ADAM23: variants seen among roughly 807,000 people sequenced by gnomAD.
ADAM23 encodes the protein disintegrin and metalloproteinase domain-containing protein 23.
Under a neutral mutation model 120.1 loss-of-function variants are expected in ADAM23, and 33 were observed. The observed-to-expected ratio is 0.27, with a 90% CI of 0.21 to 0.37. The LOEUF is 0.37. Among genes scored for constraint, ADAM23 ranks in the 10% least tolerant of loss-of-function variants. The pLI is 1.00. For synonymous variants in ADAM23, 367 were observed against 375.2 expected, an observed-to-expected ratio of 0.98 and a Z score of 0.25; for missense variants, 862 against 1,058.2, an observed-to-expected ratio of 0.81 and a Z score of 2.57.
intron 2 of ADAM23, among the ~76,000 whole-genome samples, chr2:206,451,103 A>G (rs902444280): frequency 3.9e-5 from 6 of 152,220 alleles, no homozygotes; most frequent in South Asian, 2.1e-4. Flanking sequence ...CTAAAGAGTA[A>G]TTAGGAGTTA....
In ADAM23 at chr2:206,564,711, C is replaced by G. The variant is rs149410028; in HGVS notation, c.1346-309C>G. Among the ~76,000 whole-genome samples, 259 of 152,274 alleles carry G rather than the reference C, an allele frequency of 1.7e-3. 1 individual carries two copies. Among genetic ancestry groups the G allele is most frequent in the African/African-American group, 5.8e-3 (241 of 41,540 alleles). The stretch of plus-strand genomic sequence containing the variant: ...AACTCAGGCTGTCTGATTTGTAGAC[C>G]AGGGTACTTTTCACTAAACATTAGA... On this transcript the variant is annotated intron_variant, in intron 13 of 25. Transcript: ENST00000264377.
intron 12 of ADAM23, 54 bp from the exon 13 acceptor site, chr2:206,562,149 A>G: frequency 1.4e-6 from 2 of 1,429,344 alleles, no homozygotes. Context: ...AATAATAACT[A>G]GCTTTGTGCA....
intron 3 of ADAM23, among the ~76,000 whole-genome samples, chr2:206,487,124 G>A (rs779218566): frequency 1.1e-4 from 16 of 152,184 alleles, no homozygotes; most frequent in Non-Finnish European, 2.1e-4. Flanking sequence ...GATTAGATGA[G>A]ATAACATGTG....
chr2:206,562,048 G>A (rs909782970), intron 12 of ADAM23, among the ~76,000 whole-genome samples, 155 bp from the exon 13 acceptor site: 1 of 152,188 alleles, frequency 6.6e-6, no homozygotes, highest in Non-Finnish European at 1.5e-5. Context: ...GGGCCCAGTT[G>A]TAAAGAGGAG....
Position 206,590,032 on chromosome 2 carries a change from G to C in ADAM23, c.1958+518G>C, listed in dbSNP as rs1274471202. The stretch of plus-strand genomic sequence containing the variant: ...TTCCCTTCCAAAAAGCATCTAGTTA[G>C]TACATATTAAAGCCATCTTTACTCA... On this transcript the variant is annotated intron_variant, in intron 21 of 25. Transcript: ENST00000264377. Among the ~76,000 whole-genome samples the C allele has an allele frequency of 5.9e-5, 9 of 151,850 alleles. No individual in the cohort carries two copies. In the East Asian group the frequency reaches 1.7e-3, roughly 29 times the overall value.
At chr2:206,556,682 T>C (rs548345373) in intron 9 of ADAM23, among the ~76,000 whole-genome samples, 2 of 152,352 alleles carry the variant, frequency 1.3e-5, no homozygotes, top group East Asian at 3.9e-4. Context: ...TTACTTTTCT[T>C]TATTTCTTAA....
intron 13 of ADAM23, among the ~76,000 whole-genome samples, chr2:206,563,792 C>T (rs1697819861): frequency 2.0e-5 from 3 of 150,626 alleles, no homozygotes; most frequent in Non-Finnish European, 4.4e-5. Flanking sequence ...TGCAGTGGCA[C>T]GATCTCGGCT....
chr2:206,484,041 G>T (rs1027506818), intron 3 of ADAM23, among the ~76,000 whole-genome samples: 2 of 152,152 alleles, frequency 1.3e-5, no homozygotes, highest in Non-Finnish European at 2.9e-5. Context: ...GGTTGAAGAT[G>T]CAGAAAGGAG....
At chr2:206,464,866 A>G (rs1298939657) in intron 2 of ADAM23, among the ~76,000 whole-genome samples, 3 of 152,132 alleles carry the variant, frequency 2.0e-5, no homozygotes. Context: ...AGAAGTATCT[A>G]GCCTAACAGG....
At chr2:206,445,003 C>T (rs912543998) in intron 1 of ADAM23, among the ~76,000 whole-genome samples, 9 of 150,924 alleles carry the variant, frequency 6.0e-5, no homozygotes, top group Admixed American at 5.3e-4. Flanking sequence ...ATTCTACCCC[C>T]CCCCCAACAC....
chr2:206,478,276 A>G (rs1307540720), intron 2 of ADAM23, among the ~76,000 whole-genome samples: 1 of 152,168 alleles, frequency 6.6e-6, no homozygotes, highest in Non-Finnish European at 1.5e-5. Flanking sequence ...ATTAGATGAA[A>G]CTAATTCCAT....
chr2:206,562,881 A>G (rs907489878), intron 13 of ADAM23, among the ~76,000 whole-genome samples: 4 of 152,218 alleles, frequency 2.6e-5, no homozygotes, highest in Non-Finnish European at 5.9e-5. Context: ...CACACATCCC[A>G]TCAGTAAAAA....
intron 3 of ADAM23, among the ~76,000 whole-genome samples, chr2:206,521,191 T>A (rs1696836358): frequency 6.6e-6 from 1 of 152,154 alleles, no homozygotes; most frequent in South Asian, 2.1e-4. Context: ...ATTTTAGCAA[T>A]GAGATTATAA....
At chr2:206,560,605 A>G (rs1574534369) in intron 11 of ADAM23, among the ~76,000 whole-genome samples, 1 of 152,142 alleles carries the variant, frequency 6.6e-6, no homozygotes, top group Non-Finnish European at 1.5e-5. Flanking sequence ...AGTTTCTACT[A>G]CTAAGGAAAA....
rs774617338 is a variant in ADAM23 at position 206,445,428 on chromosome 2, A to G, written c.336A>G (p.Thr112=). ...SYSNAMQKEI[T]LPSRLIYYIN... ...GCAATGCAATGCAGAAAGAAATCAC[A>G]CTGCCTTCAAGACTCATATATTACA... The change falls in exon 2 of 26, where the codon ACA becomes ACG. Residue 112 remains threonine, a synonymous_variant. Transcript: ENST00000264377. 3.1e-6 allele frequency: 5 copies of G among 1,614,170 alleles called. No individual in the cohort carries two copies. In the East Asian group the frequency reaches 6.7e-5, roughly 22 times the overall value.
intron 18 of ADAM23, among the ~76,000 whole-genome samples, chr2:206,583,639 T>C (rs1407871658): frequency 6.6e-6 from 1 of 152,158 alleles, no homozygotes; most frequent in Non-Finnish European, 1.5e-5. Context: ...TTCTTCTACT[T>C]GTTCATTTCT....
intron 4 of ADAM23, among the ~76,000 whole-genome samples, chr2:206,537,629 T>G (rs1697204963): frequency 6.6e-6 from 1 of 152,230 alleles, no homozygotes; most frequent in South Asian, 2.1e-4. Flanking sequence ...TTTTTAAATC[T>G]ATTTTCCCTT....
chr2:206,540,995 A>G (rs536037788), intron 4 of ADAM23, among the ~76,000 whole-genome samples: 7 of 148,856 alleles, frequency 4.7e-5, no homozygotes, highest in Non-Finnish European at 7.4e-5. Context: ...ATTTATTATT[A>G]TTTATTTTAA....
At position 206,509,172 on chromosome 2, in the gene ADAM23, T is replaced by C. The variant is rs186081806; in HGVS notation, c.510-21713T>C. 3.2e-3 allele frequency among the ~76,000 whole-genome samples: 492 copies of C among 152,298 alleles called. 4 individuals are homozygous for C. Among genetic ancestry groups the C allele is most frequent in the Middle Eastern group, 0.01 (3 of 294 alleles). On this transcript the variant is annotated intron_variant, in intron 3 of 25. Coordinates refer to ENST00000264377, the MANE Select transcript of ADAM23 (RefSeq NM_003812.4). ...AAGCAGTTTTTTTGTAAAGAGATAA[T>C]GTTTTTGGAAAAGTGACTGCTCATT...
Sources: gnomAD v4.1 joint callset for allele counts (sites outside exome capture counted in the v4.1 genomes callset) on GRCh38, gnomAD v4.1.1 for gene constraint, MANE v1.5 for transcripts, NCBI Gene and HGNC (gene_info 2026-07-23, HGNC 2026-07-21) for gene names.